Variants in CDK14 observed in about 807,000 individuals in gnomAD.
CDK14 encodes the protein cyclin dependent kinase 14, also known as cyclin-dependent kinase 14.
CDK14 carries 34 observed loss-of-function variants against 60.7 expected under a neutral mutation model. The ratio of observed to expected loss-of-function variants is 0.56; its 90% CI spans 0.43 to 0.75. The LOEUF is 0.75. Among genes scored for constraint, CDK14 ranks in the 30% least tolerant of loss-of-function variants. The probability of loss-of-function intolerance (pLI) is 0.00; values close to 1 mark genes in which losing one functional copy is unlikely to be tolerated. For synonymous variants in CDK14, 197 were observed against 203.7 expected, an observed-to-expected ratio of 0.97 and a Z score of 0.28; for missense variants, 482 against 564.1, an observed-to-expected ratio of 0.85 and a Z score of 1.47.
At chr7:91,018,946 C>T (rs1317958061) in intron 10 of CDK14, among the ~76,000 whole-genome samples, 2 of 152,090 alleles carry the variant, frequency 1.3e-5, no homozygotes, top group Non-Finnish European at 2.9e-5. Context: ...CTGAGGACTC[C>T]ACCTTCATGG....
At chr7:90,598,704 A>ATTTTTTTTTT (rs796093975) in intron 1 of CDK14, among the ~76,000 whole-genome samples, 9,338 of 87,036 alleles carry the variant, frequency 0.11, 1,826 homozygotes, top group Non-Finnish European at 0.15. Context: ...TTATCTAAGG[A>ATTTTTTTTTT]TTTTTTTTTT....
intron 6 of CDK14, among the ~76,000 whole-genome samples, chr7:90,895,144 T>G (rs1317464962): frequency 6.6e-6 from 1 of 152,172 alleles, no homozygotes; most frequent in African/African-American, 2.4e-5. Flanking sequence ...CAGTCTGAAT[T>G]CAGTACCTTT....
intron 14 of CDK14, among the ~76,000 whole-genome samples, chr7:91,198,111 T>C (rs1011817128): frequency 2.0e-5 from 3 of 152,210 alleles, no homozygotes; most frequent in African/African-American, 4.8e-5. Flanking sequence ...GTGGAAACGA[T>C]GTGCTATAGT....
At chr7:91,098,127 C>T (rs779968462) in intron 12 of CDK14, among the ~76,000 whole-genome samples, 1 of 152,132 alleles carries the variant, frequency 6.6e-6, no homozygotes, top group Non-Finnish European at 1.5e-5. Flanking sequence ...AGACATAAGC[C>T]GTTTATCTTT....
intron 6 of CDK14, among the ~76,000 whole-genome samples, chr7:90,889,008 A>G (rs1315902663): frequency 1.3e-5 from 2 of 152,266 alleles, no homozygotes; most frequent in Non-Finnish European, 2.9e-5. Context: ...TAATGCTGGA[A>G]TAGCATATGG....
rs913477970 is a variant in CDK14, at chr7:90,672,025, T to C, written c.124-54542T>C. On this transcript the variant is annotated intron_variant, in intron 2 of 14. Coordinates refer to ENST00000380050, the MANE Select transcript of CDK14 (RefSeq NM_001287135.2). ...GAATGTAATTTATTTGGGGGATGAA[T>C]GAAGCAGGAAGAATAACTTTTGGAG... is the stretch of plus-strand genomic sequence containing the variant. Among the ~76,000 whole-genome samples the C allele has an allele frequency of 1.2e-4, 19 of 152,174 alleles. 1 individual carries two copies. Among genetic ancestry groups the C allele is most frequent in the Non-Finnish European group, 2.4e-4 (16 of 68,026 alleles).
chr7:91,201,334 G>A (rs1196374131), intron 14 of CDK14, among the ~76,000 whole-genome samples: 2 of 152,076 alleles, frequency 1.3e-5, no homozygotes, highest in African/African-American at 2.4e-5. Flanking sequence ...ATAGAAATGA[G>A]CGGATTACCT....
intron 14 of CDK14, among the ~76,000 whole-genome samples, chr7:91,140,746 A>T (rs1377981595): frequency 6.6e-6 from 1 of 152,164 alleles, no homozygotes. Context: ...TGAAGATCTA[A>T]ATAGGAGGAT....
chr7:91,204,768 G>A (rs771579436), intron 14 of CDK14, among the ~76,000 whole-genome samples: 1 of 152,108 alleles, frequency 6.6e-6, no homozygotes, highest in Non-Finnish European at 1.5e-5. Context: ...GGACAACATG[G>A]TGAACCCCTG....
chr7:90,883,122 T>TA (rs34446911), intron 6 of CDK14, among the ~76,000 whole-genome samples: 66,533 of 146,650 alleles, frequency 0.45, 15,178 homozygotes, highest in East Asian at 0.67. Flanking sequence ...TAGAGACACA[T>TA]AAAAAAAAAA....
At chr7:91,177,370 A>C (rs1801807368) in intron 14 of CDK14, among the ~76,000 whole-genome samples, 1 of 149,716 alleles carries the variant, frequency 6.7e-6, no homozygotes, top group South Asian at 2.2e-4. Context: ...ATGGGCAAAA[A>C]CTGGAAGCAT....
intron 6 of CDK14, among the ~76,000 whole-genome samples, chr7:90,878,019 C>T (rs1013117734): frequency 1.1e-4 from 17 of 151,258 alleles, no homozygotes; most frequent in Admixed American, 4.6e-4. Context: ...TAAATCTTTG[C>T]CAACTTGATA....
intron 2 of CDK14, among the ~76,000 whole-genome samples, chr7:90,614,412 T>A (rs1313278118): frequency 6.8e-6 from 1 of 146,394 alleles, no homozygotes; most frequent in Non-Finnish European, 1.5e-5. Context: ...CAAGCTTAAT[T>A]TCTTTAGGTC....
In CDK14 at chr7:90,996,393, G is replaced by A. The variant is rs115447218; in HGVS notation, c.1041+12152G>A. ...GACCTTGTATCATCTCTTGCCCAAC[G>A]CCCTGCAAGAAAAAAGCCTCCTCAA... On this transcript the variant is annotated intron_variant, in intron 10 of 14. Transcript: ENST00000380050. Among the ~76,000 whole-genome samples, 35 of 152,104 alleles carry A rather than the reference G, an allele frequency of 2.3e-4. No individual in the cohort carries two copies. In the South Asian group the frequency reaches 6.0e-3, roughly 26 times the overall value.
chr7:90,953,956 G>A (rs1794333028), intron 8 of CDK14, among the ~76,000 whole-genome samples: 1 of 152,114 alleles, frequency 6.6e-6, no homozygotes, highest in Admixed American at 6.6e-5. Context: ...ATAAAACCTT[G>A]CAGAGGAAAG....
At chr7:91,198,353 A>G (rs1415174184) in intron 14 of CDK14, among the ~76,000 whole-genome samples, 1 of 152,242 alleles carries the variant, frequency 6.6e-6, no homozygotes, top group Admixed American at 6.5e-5. Flanking sequence ...AAATGCTAGC[A>G]GAGTTTACAG....
chr7:90,862,720 C>T (rs1193299731), intron 5 of CDK14, among the ~76,000 whole-genome samples: 1 of 152,048 alleles, frequency 6.6e-6, no homozygotes, highest in Non-Finnish European at 1.5e-5. Context: ...AGGTTCCATA[C>T]CTATGGAATG....
intron 8 of CDK14, among the ~76,000 whole-genome samples, chr7:90,950,533 C>T (rs937523337): frequency 1.3e-5 from 2 of 152,202 alleles, no homozygotes; most frequent in Admixed American, 6.5e-5. Context: ...GTAAAATCCA[C>T]TGGGTTTTGT....
intron 10 of CDK14, among the ~76,000 whole-genome samples, chr7:91,038,334 TATGTACTTTGATAAAAGGA>T (rs1428387477): frequency 2.0e-5 from 3 of 152,212 alleles, no homozygotes; most frequent in African/African-American, 2.4e-5. Context: ...GTGCCTACTT[TATGTACTTTGATAAAAGGA>T]ATATAAAGTA....
Sources: allele counts gnomAD v4.1 joint callset (sites outside exome capture counted in the v4.1 genomes callset), GRCh38; gene constraint gnomAD v4.1.1; transcripts MANE v1.5; gene names NCBI Gene and HGNC (gene_info 2026-07-23, HGNC 2026-07-21).